AGBL1: variants seen among roughly 807,000 people sequenced by gnomAD.
AGBL1 encodes the protein AGBL carboxypeptidase 1.
Under a neutral mutation model 118.9 loss-of-function variants are expected in AGBL1, and 130 were observed. That is an observed-to-expected ratio of 1.09 (90% CI 0.95 to 1.26). AGBL1 has a LOEUF of 1.26. AGBL1 is among the 50% of genes most tolerant of loss of function. The pLI, the probability that AGBL1 is intolerant of heterozygous loss-of-function variation, is 0.00. For missense variants in AGBL1, 1,584 were observed against 1,298.1 expected (o/e 1.22, Z -3.38); for synonymous variants, 555 against 478.9 (o/e 1.16, Z -2.08).
At chr15:87,017,055 C>T (rs1441120433) in intron 24 of AGBL1, among the ~76,000 whole-genome samples, 3 of 152,160 alleles carry the variant, frequency 2.0e-5, no homozygotes, top group African/African-American at 7.2e-5. Flanking sequence ...GCAGGCCCCA[C>T]TTCCACAATA....
intron 22 of AGBL1, among the ~76,000 whole-genome samples, chr15:86,851,298 G>A (rs926634770): frequency 6.6e-6 from 1 of 152,140 alleles, no homozygotes; most frequent in African/African-American, 2.4e-5. Context: ...ATTTGGGGCA[G>A]GAACTGATTC....
At chr15:86,637,030 ACAAG>A (rs1351689497) in intron 21 of AGBL1, among the ~76,000 whole-genome samples, 3 of 151,882 alleles carry the variant, frequency 2.0e-5, no homozygotes, top group African/African-American at 2.4e-5. Flanking sequence ...ATGCTGGGTG[ACAAG>A]CAGACATAAA....
At chr15:86,749,289 A>C (rs1213462982) in intron 22 of AGBL1, among the ~76,000 whole-genome samples, 1 of 152,192 alleles carries the variant, frequency 6.6e-6, no homozygotes, top group African/African-American at 2.4e-5. Context: ...ATGGGAGGTC[A>C]CTCATGATTT....
At chr15:86,093,054 T>C (rs897910176) in intron 1 of AGBL1, among the ~76,000 whole-genome samples, 1 of 152,152 alleles carries the variant, frequency 6.6e-6, no homozygotes, top group Non-Finnish European at 1.5e-5. Flanking sequence ...AATTGTATAT[T>C]CGGTGACCTT....
chr15:86,795,267 AT>A (rs1292349949), intron 22 of AGBL1, among the ~76,000 whole-genome samples: 1 of 152,116 alleles, frequency 6.6e-6, no homozygotes, highest in African/African-American at 2.4e-5. Context: ...TAGACAAATC[AT>A]TGCCTGGACG....
At chr15:86,699,960 C>T (rs570929142) in intron 22 of AGBL1, among the ~76,000 whole-genome samples, 91 of 152,100 alleles carry the variant, frequency 6.0e-4, no homozygotes, top group East Asian at 2.9e-3. Context: ...GGTGAATAAA[C>T]GCCAAATTGT....
At chr15:86,768,288 A>G (rs2078124781) in intron 22 of AGBL1, among the ~76,000 whole-genome samples, 1 of 152,010 alleles carries the variant, frequency 6.6e-6, no homozygotes, top group African/African-American at 2.4e-5. Flanking sequence ...TGCATATAAC[A>G]TAGTTTAACA....
At chr15:86,708,956 A>T (rs2086505070) in intron 22 of AGBL1, among the ~76,000 whole-genome samples, 1 of 152,136 alleles carries the variant, frequency 6.6e-6, no homozygotes, top group African/African-American at 2.4e-5. Flanking sequence ...AGTTCCCAGG[A>T]CAAGCTCCAA....
At chr15:86,329,443 T>C in intron 17 of AGBL1, among the ~76,000 whole-genome samples, 1 of 152,088 alleles carries the variant, frequency 6.6e-6, no homozygotes, top group East Asian at 1.9e-4. Flanking sequence ...GGGCCCTCTC[T>C]GTTCCACATG....
At chr15:86,671,927 A>G (rs567357790) in intron 21 of AGBL1, among the ~76,000 whole-genome samples, 1 of 152,232 alleles carries the variant, frequency 6.6e-6, no homozygotes, top group East Asian at 1.9e-4. Context: ...TTTGCCTTTG[A>G]AAAATTCTCT....
chr15:86,130,706 C>T (rs551504471), intron 1 of AGBL1, among the ~76,000 whole-genome samples: 15 of 152,070 alleles, frequency 9.9e-5, no homozygotes, highest in African/African-American at 3.6e-4. Context: ...TTTTTAGAAA[C>T]AAGATTTTCA....
intron 23 of AGBL1, among the ~76,000 whole-genome samples, chr15:86,965,159 G>A (rs2081036456): frequency 6.6e-6 from 1 of 152,086 alleles, no homozygotes; most frequent in African/African-American, 2.4e-5. Context: ...TAATGGGATT[G>A]CTGGGTCAAA....
intron 1 of AGBL1, among the ~76,000 whole-genome samples, chr15:86,094,879 G>A (rs377681365): frequency 6.6e-6 from 1 of 152,166 alleles, no homozygotes. Flanking sequence ...ACTACCTGGA[G>A]TTAGCATCAG....
intron 23 of AGBL1, among the ~76,000 whole-genome samples, chr15:86,938,430 G>A (rs977755072): frequency 2.6e-5 from 4 of 152,114 alleles, no homozygotes; most frequent in Non-Finnish European, 4.4e-5. Flanking sequence ...CATAGTAATT[G>A]CCTACCTCCC....
At position 86,286,735 on chromosome 15, in the gene AGBL1, G is replaced by GTGTATATA; in HGVS notation, c.2220+6953_2220+6954insGTATATAT. Among the ~76,000 whole-genome samples the GTGTATATA allele has an allele frequency of 1.1e-4, 12 of 106,290 alleles. 1 individual carries two copies. Among genetic ancestry groups the GTGTATATA allele is most frequent in the African/African-American group, 3.5e-4 (9 of 25,768 alleles). The allele number at this position is 106,290 out of a possible 152,430, so 69.7% of individuals were successfully genotyped here. A position where few individuals can be genotyped will look rare whatever the true frequency, so the allele number is the denominator to read the frequency against. On this transcript the variant is annotated intron_variant, in intron 16 of 22. Coordinates refer to ENST00000614907, the MANE Select transcript of AGBL1 (RefSeq NM_001386094.1). ...TATATGTGTGTGTGTGTTTGTGTGTGTATATATATATATAAAACTCCATCA... is the reference window on the plus strand; with the variant it reads ...TATATGTGTGTGTGTGTTTGTGTGTGTGTATATATATATATATATATAAAACTCCATCA...
chr15:86,465,384 G>T (rs2082389146), intron 18 of AGBL1, among the ~76,000 whole-genome samples: 1 of 152,174 alleles, frequency 6.6e-6, no homozygotes, highest in Admixed American at 6.5e-5. Context: ...TGTAAAGCGT[G>T]TGTGTTTGAA....
chr15:86,777,369 C>T (rs1183919171), intron 22 of AGBL1, among the ~76,000 whole-genome samples: 3 of 151,922 alleles, frequency 2.0e-5, no homozygotes, highest in African/African-American at 4.8e-5. Context: ...CATATAAATT[C>T]ATACTCTTTC....
rs567705897 is a variant in AGBL1 at position 86,363,571 on chromosome 15, C to T, written c.2375-33795C>T. Among the ~76,000 whole-genome samples, 4 of 152,160 alleles carry T rather than the reference C, an allele frequency of 2.6e-5. No individual in the cohort carries two copies. In the South Asian group the frequency reaches 6.2e-4, roughly 24 times the overall value. On this transcript the variant is annotated intron_variant, in intron 17 of 22. Transcript: ENST00000614907. ...GGATCATACTGATTTCCTTTCTATT[C>T]CCTCTCATATTTCTAACAGTAGTTT... is the stretch of plus-strand genomic sequence containing the variant.
intron 23 of AGBL1, among the ~76,000 whole-genome samples, chr15:86,925,018 C>T (rs953034478): frequency 6.6e-5 from 10 of 151,876 alleles, no homozygotes; most frequent in Middle Eastern, 3.4e-3. Context: ...AGGAGAATCG[C>T]TTGAACCCGG....
Sources: gnomAD v4.1 joint callset for allele counts (sites outside exome capture counted in the v4.1 genomes callset) on GRCh38, gnomAD v4.1.1 for gene constraint, MANE v1.5 for transcripts, NCBI Gene and HGNC (gene_info 2026-07-23, HGNC 2026-07-21) for gene names.